Variants in ZBTB20 observed in about 807,000 individuals in gnomAD.
ZBTB20 encodes zinc finger and BTB domain containing 20, also known as zinc finger and BTB domain-containing protein 20.
Under a neutral mutation model 56.9 loss-of-function variants are expected in ZBTB20, and 9 were observed. The observed-to-expected ratio is 0.16, with a 90% confidence interval of 0.10 to 0.28. The LOEUF (loss-of-function observed/expected upper bound fraction) is 0.28, where lower values mean the gene tolerates loss of function less well. ZBTB20 is among the 10% of genes least tolerant of loss of function. ZBTB20 has a pLI of 1.00. For synonymous variants in ZBTB20, 417 were observed against 420.7 expected (o/e 0.99, Z 0.11); for missense variants, 655 against 1,003.0 (o/e 0.65, Z 4.69).
At chr3:114,580,832 A>G (rs1475357511) in intron 6 of ZBTB20, among the ~76,000 whole-genome samples, 2 of 151,916 alleles carry the variant, frequency 1.3e-5, no homozygotes, top group African/African-American at 2.4e-5. Context: ...ATAGTATGTC[A>G]CTGGGCAGCA....
At chr3:115,041,336 T>A (rs2081133945) in intron 2 of ZBTB20, among the ~76,000 whole-genome samples, 2 of 152,196 alleles carry the variant, frequency 1.3e-5, no homozygotes, top group South Asian at 4.1e-4. Context: ...GTAAATGTTT[T>A]TCCCAGTTTA....
chr3:114,761,108 C>T (rs1308648297), intron 5 of ZBTB20, among the ~76,000 whole-genome samples: 3 of 152,126 alleles, frequency 2.0e-5, no homozygotes, highest in African/African-American at 7.2e-5. Context: ...TGTAAGGCAA[C>T]AGCCAGAATA....
rs541408018 is a variant in ZBTB20, at chr3:115,016,613, A to G, written c.-506-42197T>C. Among the ~76,000 whole-genome samples the G allele has an allele frequency of 3.3e-5, 5 of 151,918 alleles. No individual in the cohort carries two copies. In the South Asian group the frequency reaches 8.3e-4, roughly 25 times the overall value. The stretch of plus-strand genomic sequence containing the variant: ...TTTTGTCAGGTTTGTCGAAGATCAG[A>G]TGGTTGTAGGCATGTGGTCTCATTT... On this transcript the variant is annotated intron_variant, in intron 2 of 11. Coordinates refer to ENST00000675478, the MANE Select transcript of ZBTB20 (RefSeq NM_001348800.3).
intron 6 of ZBTB20, among the ~76,000 whole-genome samples, chr3:114,558,415 C>T (rs928444170): frequency 6.6e-6 from 1 of 152,020 alleles, no homozygotes; most frequent in African/African-American, 2.4e-5. Context: ...ATTCCTTTTC[C>T]CCTTCCTTTC....
At chr3:114,671,565 C>T (rs182292179) in intron 6 of ZBTB20, among the ~76,000 whole-genome samples, 3 of 151,826 alleles carry the variant, frequency 2.0e-5, no homozygotes, top group Admixed American at 1.3e-4. Flanking sequence ...ATTGTTGTCG[C>T]TCCCCCTTCC....
intron 6 of ZBTB20, among the ~76,000 whole-genome samples, chr3:114,614,889 C>T (rs1300491196): frequency 6.6e-6 from 1 of 152,138 alleles, no homozygotes; most frequent in Non-Finnish European, 1.5e-5. Context: ...TCCCGAGTAG[C>T]TGGGATTATA....
At chr3:115,123,896 T>C (rs2084251381) in intron 1 of ZBTB20, among the ~76,000 whole-genome samples, 1 of 152,136 alleles carries the variant, frequency 6.6e-6, no homozygotes, top group African/African-American at 2.4e-5. Flanking sequence ...GATAACTCAG[T>C]AAAGATTTCA....
chr3:114,430,022 C>CAGTT (rs34955978), intron 7 of ZBTB20, among the ~76,000 whole-genome samples: 92,107 of 151,452 alleles, frequency 0.61, 30,303 homozygotes, highest in Non-Finnish European at 0.75. Flanking sequence ...ATTTCCCTTA[C>CAGTT]AGTTATATTT....
intron 2 of ZBTB20, among the ~76,000 whole-genome samples, chr3:115,047,234 T>A (rs1260949222): frequency 6.6e-6 from 1 of 152,168 alleles, no homozygotes; most frequent in Non-Finnish European, 1.5e-5. Flanking sequence ...CCTTTAGTAA[T>A]AAAAGTCATC....
At position 114,321,553 on chromosome 3, in the gene ZBTB20, C is replaced by T. The variant is rs111524553; in HGVS notation, c.*17452G>A. On this transcript the variant is annotated 3_prime_UTR_variant, in exon 12 of 12. Coordinates refer to ENST00000675478, the MANE Select transcript of ZBTB20 (RefSeq NM_001348800.3). ...CAGGGGCTCTTTACGTTAACTATAC[C>T]TAACTGATGACTAATTCACACAGAT... The T allele has an allele frequency of 4.1e-3, 629 of 152,262 alleles. 2 individuals carry two copies. Among genetic ancestry groups the T allele is most frequent in the Non-Finnish European group, 6.9e-3 (472 of 68,034 alleles). 9.4% of individuals were successfully genotyped at this position (152,262 alleles called of 1,614,324 possible). A position where few individuals can be genotyped will look rare whatever the true frequency, so the allele number is the denominator to read the frequency against.
At chr3:114,899,612 G>GT (rs1165787531) in intron 4 of ZBTB20, among the ~76,000 whole-genome samples, 5 of 152,154 alleles carry the variant, frequency 3.3e-5, no homozygotes, top group African/African-American at 1.2e-4. Context: ...ATAAACCAAT[G>GT]TAACAGTTCA....
intron 3 of ZBTB20, among the ~76,000 whole-genome samples, chr3:114,937,428 C>CTT (rs879506585): frequency 3.5e-5 from 5 of 144,322 alleles, no homozygotes; most frequent in Admixed American, 1.4e-4. Context: ...TCTTCTTCTT[C>CTT]TTTTTTTTTT....
rs1259105324 is a variant in ZBTB20 at position 114,323,600 on chromosome 3, T to A, written c.*15405A>T. 6.6e-6 allele frequency: 1 copy of A among 152,234 alleles called. No individual in the cohort carries two copies. The highest frequency in any genetic ancestry group is 1.5e-5 in the Non-Finnish European group (1 of 68,040). The allele number at this position is 152,234 out of a possible 1,614,324, so 9.4% of individuals were successfully genotyped here. On this transcript the variant is annotated 3_prime_UTR_variant, in exon 12 of 12. Coordinates refer to ENST00000675478, the MANE Select transcript of ZBTB20 (RefSeq NM_001348800.3). ...TGTGGAGGAGGCCAAGGCAAAGACTTCTACATCATATCAATTGGCTTCTTC... is the reference window on the plus strand; with the variant it reads ...TGTGGAGGAGGCCAAGGCAAAGACTACTACATCATATCAATTGGCTTCTTC...
chr3:115,067,908 A>G (rs1219121616), intron 2 of ZBTB20, among the ~76,000 whole-genome samples: 1 of 152,136 alleles, frequency 6.6e-6, no homozygotes, highest in Non-Finnish European at 1.5e-5. Flanking sequence ...ATCCTGGACC[A>G]GTTATAGATA....
chr3:114,997,250 T>C (rs1341831748), intron 2 of ZBTB20, among the ~76,000 whole-genome samples: 1 of 151,834 alleles, frequency 6.6e-6, no homozygotes, highest in African/African-American at 2.4e-5. Flanking sequence ...GACAAGAGCA[T>C]GGATCTCCAG....
In ZBTB20 at chr3:114,686,919, T is replaced by C. The variant is rs191302272; in HGVS notation, c.-295+6609A>G. On this transcript the variant is annotated intron_variant, in intron 6 of 11. Coordinates refer to ENST00000675478, the MANE Select transcript of ZBTB20 (RefSeq NM_001348800.3). ...GGCCTCCAAACTTTATGTGATATGA[T>C]AGTGAACCTTCAACAACAACAACAG... 4.8e-4 allele frequency among the ~76,000 whole-genome samples: 73 copies of C among 152,178 alleles called. 1 individual carries two copies. In the East Asian group the frequency reaches 8.7e-3, roughly 18 times the overall value.
chr3:114,806,213 A>G (rs2072091532), intron 4 of ZBTB20, among the ~76,000 whole-genome samples: 1 of 151,870 alleles, frequency 6.6e-6, no homozygotes, highest in Non-Finnish European at 1.5e-5. Flanking sequence ...CTCCCCTGGT[A>G]ATATAGGAGG....
At chr3:114,361,351 C>A (rs1465760290) in intron 10 of ZBTB20, among the ~76,000 whole-genome samples, 1 of 152,156 alleles carries the variant, frequency 6.6e-6, no homozygotes, top group Non-Finnish European at 1.5e-5. Flanking sequence ...AAACTTTTTC[C>A]TTTTCTGTGA....
chr3:114,564,514 G>A (rs1056185086), intron 6 of ZBTB20, among the ~76,000 whole-genome samples: 3 of 152,140 alleles, frequency 2.0e-5, no homozygotes, highest in African/African-American at 7.2e-5. Context: ...TAAGGAGATT[G>A]TGATGTACAA....
Sources: allele counts gnomAD v4.1 joint callset (sites outside exome capture counted in the v4.1 genomes callset), GRCh38; gene constraint gnomAD v4.1.1; transcripts MANE v1.5; gene names NCBI Gene and HGNC (gene_info 2026-07-23, HGNC 2026-07-21).